The following ITGA11 variants were observed in gnomAD, a reference collection of about 807,000 sequenced individuals.
ITGA11 encodes the protein integrin subunit alpha 11.
In ITGA11, 97 loss-of-function variants were observed where a neutral mutation model predicts 141.9. The observed-to-expected ratio is 0.68, with a 90% CI of 0.58 to 0.81. The LOEUF is 0.81. ITGA11 is among the 30% of genes least tolerant of loss of function. The pLI, the probability that ITGA11 is intolerant of heterozygous loss-of-function variation, is 0.00. For synonymous variants in ITGA11, 658 were observed against 624.6 expected (o/e 1.05, Z -0.80); for missense variants, 1,387 against 1,559.2 (o/e 0.89, Z 1.86).
chr15:68,342,733 C>A lies in ITGA11; in HGVS notation c.1132-3089G>T, dbSNP rs140668734. 2.0e-3 allele frequency among the ~76,000 whole-genome samples: 306 copies of A among 152,334 alleles called. 1 individual carries two copies. The highest frequency in any genetic ancestry group is 7.0e-3 in the African/African-American group (293 of 41,572). On this transcript the variant is annotated intron_variant, in intron 10 of 29. Coordinates refer to ENST00000315757, the MANE Select transcript of ITGA11 (RefSeq NM_001004439.2). ...TGCTCAGCCGGGGCAGGTTTGTGCC[C>A]TAGGTGATATTTGCTTGTTACAGCT... is the stretch of plus-strand genomic sequence containing the variant.
At chr15:68,346,330 T>C (rs1427349094) in intron 10 of ITGA11, among the ~76,000 whole-genome samples, 1 of 152,210 alleles carries the variant, frequency 6.6e-6, no homozygotes, top group Non-Finnish European at 1.5e-5. Context: ...AACACTGAAC[T>C]GCTGGAGCCA....
chr15:68,409,568 GTA>G (rs1896724816), intron 1 of ITGA11, among the ~76,000 whole-genome samples: 1 of 151,550 alleles, frequency 6.6e-6, no homozygotes, highest in African/African-American at 2.4e-5. Flanking sequence ...CTACCTATCA[GTA>G]CTACCTGATT....
At chr15:68,388,528 T>G (rs561926326) in intron 2 of ITGA11, among the ~76,000 whole-genome samples, 5 of 152,282 alleles carry the variant, frequency 3.3e-5, no homozygotes, top group Admixed American at 1.3e-4. Context: ...TAATCATACT[T>G]TTTGCCCCTC....
At chr15:68,424,437 C>T (rs8036698) in intron 1 of ITGA11, among the ~76,000 whole-genome samples, 101,864 of 151,998 alleles carry the variant, frequency 0.67, 34,553 homozygotes, top group African/African-American at 0.76. Context: ...GATCCTCCAT[C>T]TTGGATGCCC....
intron 26 of ITGA11, among the ~76,000 whole-genome samples, chr15:68,310,592 G>A (rs960777631): frequency 1.3e-5 from 2 of 152,224 alleles, no homozygotes; most frequent in Non-Finnish European, 2.9e-5. Context: ...GCAGCCAAAT[G>A]TCTCCAATAC....
intron 2 of ITGA11, among the ~76,000 whole-genome samples, chr15:68,400,117 T>A (rs1896429914): frequency 6.6e-6 from 1 of 152,086 alleles, no homozygotes; most frequent in African/African-American, 2.4e-5. Flanking sequence ...GGCCCATATA[T>A]CTATGGTCAC....
intron 2 of ITGA11, among the ~76,000 whole-genome samples, chr15:68,396,470 T>C (rs1240990606): frequency 6.6e-6 from 1 of 152,072 alleles, no homozygotes; most frequent in African/African-American, 2.4e-5. Context: ...AGTTAACATC[T>C]TATTTAATTA....
intron 10 of ITGA11, among the ~76,000 whole-genome samples, chr15:68,341,003 C>A (rs559838352): frequency 6.6e-6 from 1 of 152,332 alleles, no homozygotes; most frequent in East Asian, 1.9e-4. Context: ...CCCACGGAGC[C>A]TTCCCTGAGC....
At chr15:68,312,729 A>C (rs4776394) in intron 24 of ITGA11, 44 bp downstream of exon 24, 648,602 of 1,439,700 alleles carry the variant, frequency 0.45, 152,869 homozygotes, top group East Asian at 0.76. Context: ...GGGGGTGCTC[A>C]GATCCCGTCC....
intron 10 of ITGA11, among the ~76,000 whole-genome samples, chr15:68,346,538 A>G (rs972104818): frequency 6.6e-6 from 1 of 152,200 alleles, no homozygotes; most frequent in East Asian, 1.9e-4. Context: ...TGTACCTGGT[A>G]CAGAGTCTGA....
In ITGA11 at chr15:68,384,599, C is replaced by T. The variant is rs150436724; in HGVS notation, c.165-15315G>A. On this transcript the variant is annotated intron_variant, in intron 2 of 29. Coordinates refer to ENST00000315757, the MANE Select transcript of ITGA11 (RefSeq NM_001004439.2). ...GGCTTGGCCTGGGGCCCTGGGCCAA[C>T]GTTTCCCCACGAATACAGTTTTTCC... is the stretch of plus-strand genomic sequence containing the variant. Among the ~76,000 whole-genome samples, 9 of 152,312 alleles carry T rather than the reference C, an allele frequency of 5.9e-5. No individual in the cohort carries two copies. In the East Asian group the frequency reaches 1.5e-3, roughly 26 times the overall value.
In ITGA11 at chr15:68,335,829, C is replaced by T. The variant is rs773358497; in HGVS notation, c.1293G>A (p.Ser431=). 1.2e-5 allele frequency: 20 copies of T among 1,613,036 alleles called. No individual in the cohort carries two copies. Among genetic ancestry groups the T allele is most frequent in the East Asian group, 4.5e-5 (2 of 44,840 alleles). Residue 431 remains serine, a synonymous_variant, in exon 12 of 30, where the codon TCG becomes TCA. Transcript: ENST00000315757. This position sits in a 1 kb window ranked among gnomAD's most constrained non-coding sequence, Gnocchi z 4.9. ...CCCGCCCCTGCCTGGAGGACACGACCGATGTGACTGTGTACCCTGCCACAG... is the reference window on the plus strand; with the variant it reads ...CCCGCCCCTGCCTGGAGGACACGACTGATGTGACTGTGTACCCTGCCACAG... The part of the protein sequence containing the change: ...HGAYLGYTVT[S]VVSSRQGRVY...
At chr15:68,351,048 TG>T (rs1016843561) in intron 8 of ITGA11, among the ~76,000 whole-genome samples, 3 of 152,174 alleles carry the variant, frequency 2.0e-5, no homozygotes, top group Admixed American at 6.5e-5. Context: ...TGGCAATGGA[TG>T]GGGGGAAACA....
chr15:68,408,555 G>A (rs1010311242), intron 1 of ITGA11, among the ~76,000 whole-genome samples: 1 of 152,058 alleles, frequency 6.6e-6, no homozygotes, highest in Non-Finnish European at 1.5e-5. Flanking sequence ...CGGGAAGCAC[G>A]TGGAGTGCAA....
intron 1 of ITGA11, among the ~76,000 whole-genome samples, chr15:68,405,371 C>T (rs992514580): frequency 6.6e-6 from 1 of 151,988 alleles, no homozygotes; most frequent in Non-Finnish European, 1.5e-5. Flanking sequence ...GCTCAGTAGG[C>T]AAGAGGAGTG....
At chr15:68,376,228 C>CT (rs11424476) in intron 2 of ITGA11, among the ~76,000 whole-genome samples, 118,760 of 147,848 alleles carry the variant, frequency 0.8, 48,416 homozygotes, top group South Asian at 0.92. Flanking sequence ...GTTCTCCTCT[C>CT]TTTTTTTTTT....
At chr15:68,313,921 A>T (rs1386071868) in intron 22 of ITGA11, 53 bp from the exon 23 acceptor site, 1 of 1,438,572 alleles carries the variant, frequency 7.0e-7, no homozygotes, top group East Asian at 2.3e-5. Context: ...CAGCACAGGC[A>T]GCGGGAAGGG....
At chr15:68,336,938 C>G (rs1894379156) in intron 11 of ITGA11, among the ~76,000 whole-genome samples, 1 of 152,186 alleles carries the variant, frequency 6.6e-6, no homozygotes, top group Non-Finnish European at 1.5e-5. Context: ...AGTTTTCACT[C>G]TTGAGGCTGT....
chr15:68,400,635 T>C (rs1452169941), intron 2 of ITGA11, among the ~76,000 whole-genome samples: 19 of 74,510 alleles, frequency 2.5e-4, no homozygotes, highest in African/African-American at 1.3e-3. Context: ...TAATAAATAT[T>C]ATAATATTAT....
Sources: allele counts gnomAD v4.1 joint callset (sites outside exome capture counted in the v4.1 genomes callset), GRCh38; gene constraint gnomAD v4.1.1; non-coding constraint Gnocchi (gnomAD v3.1); transcripts MANE v1.5; gene names NCBI Gene and HGNC (gene_info 2026-07-23, HGNC 2026-07-21).